The following KEL variants were observed in gnomAD, a reference collection of about 807,000 sequenced individuals.
KEL encodes the protein kell blood group glycoprotein.
In KEL, 96 loss-of-function variants were observed where a neutral mutation model predicts 99.5. The ratio of observed to expected loss-of-function variants is 0.97; its 90% confidence interval spans 0.82 to 1.14. KEL has a LOEUF of 1.14. KEL is among the 50% of genes most tolerant of loss of function. KEL has a pLI of 0.00. For missense variants in KEL, 926 were observed against 924.2 expected, an observed-to-expected ratio of 1.00 and a Z score of -0.03; for synonymous variants, 355 against 354.8, an observed-to-expected ratio of 1.00 and a Z score of -0.01.
At chr7:142,946,373 T>A in intron 10 of KEL, 56 bp from the exon 11 acceptor site, 3 of 1,332,802 alleles carry the variant, frequency 2.3e-6, no homozygotes, top group Non-Finnish European at 3.2e-6. Context: ...TCCTCATCTG[T>A]CTCCCCAGTC....
chr7:142,941,156 A>C lies in KEL; in HGVS notation c.*96T>G, dbSNP rs1243696662. The C allele has an allele frequency of 1.3e-5, 18 of 1,404,328 alleles. No homozygotes were observed. The Admixed American group carries it at 3.1e-4, about 24-fold the overall frequency. 87.0% of individuals were successfully genotyped at this position (1,404,328 alleles called of 1,614,324 possible). A position where few individuals can be genotyped will look rare whatever the true frequency, so the allele number is the denominator to read the frequency against. The stretch of plus-strand genomic sequence containing the variant: ...GCCAAGTGCCAGCTTTTATTTTTGG[A>C]ACAGAAGCAGAAAGGAAATCTTGCT... On this transcript the variant is annotated 3_prime_UTR_variant, in exon 19 of 19. Transcript: ENST00000355265.
Position 142,954,295 on chromosome 7 carries a change from G to C in KEL, c.813C>G (p.His271Gln). Residue 271 changes from histidine to glutamine, a missense_variant, in exon 8 of 19, where the codon CAC (histidine) becomes CAG (glutamine). Coordinates refer to ENST00000355265, the MANE Select transcript of KEL (RefSeq NM_000420.3). ...LGGDPSKVQE[H>Q]SSLSISITSR... ...AAGTGATGGAGATTGACAAGGAAGA[G>C]TGTTCTTGCACCTTGCTTGGGTCTC... 10 of 1,614,124 alleles carry C rather than the reference G, an allele frequency of 6.2e-6. No homozygotes were observed. The highest frequency in any genetic ancestry group is 8.5e-6 in the Non-Finnish European group (10 of 1,179,982).
chr7:142,953,339 T>TG lies in KEL; in HGVS notation c.1073+468dup, dbSNP rs1233935651. 45 of 983,040 alleles carry TG rather than the reference T, an allele frequency of 4.6e-5. No homozygotes were observed. In the South Asian group the frequency reaches 1.1e-3, roughly 25 times the overall value. The allele number at this position is 983,040 out of a possible 1,614,324, so 60.9% of individuals were successfully genotyped here. A position where few individuals can be genotyped will look rare whatever the true frequency, so the allele number is the denominator to read the frequency against. ...GCATCTTCACACCACACCTGAGGAATGGCCCCTCCTCTTCCTTTCTTCCCC... is the reference window on the plus strand; with the variant it reads ...GCATCTTCACACCACACCTGAGGAATGGGCCCCTCCTCTTCCTTTCTTCCCC... On this transcript the variant is annotated intron_variant, in intron 9 of 18. Transcript: ENST00000355265.
intron 6 of KEL, among the ~76,000 whole-genome samples, chr7:142,957,093 T>G (rs1002460706): frequency 6.6e-6 from 1 of 152,234 alleles, no homozygotes; most frequent in Non-Finnish European, 1.5e-5. Flanking sequence ...TGATAAATGC[T>G]GAGAGCATGA....
chr7:142,945,980 C>G, intron 11 of KEL: 1 of 585,032 alleles, frequency 1.7e-6, no homozygotes, highest in African/African-American at 1.9e-5. Flanking sequence ...AGTTGGGTGA[C>G]TTGTCCAAGT....
intron 1 of KEL, 141 bp downstream of exon 1, chr7:142,962,063 C>T: frequency 1.2e-6 from 2 of 1,611,142 alleles, no homozygotes; most frequent in Non-Finnish European, 1.7e-6. Flanking sequence ...ATTTCTCGAT[C>T]CCTCTCCCAT....
At position 142,954,449 on chromosome 7, in the gene KEL, C is replaced by T. The variant is rs372803057; in HGVS notation, c.735+16G>A. On this transcript the variant is annotated intron_variant, in intron 7 of 18. Coordinates refer to ENST00000355265, the MANE Select transcript of KEL (RefSeq NM_000420.3). ...TGGCCTCAGAGGGCAGGGCCTTTGT[C>T]CATGTGCCATCTTACCTGGGCATAG... 41 of 1,612,914 alleles carry T rather than the reference C, an allele frequency of 2.5e-5. No homozygotes were observed. Among genetic ancestry groups the T allele is most frequent in the Admixed American group, 3.3e-5 (2 of 59,994 alleles).
At chr7:142,943,759 C>T (rs767539436) in intron 14 of KEL, 24 bp downstream of exon 14, 1 of 1,598,870 alleles carries the variant, frequency 6.3e-7, no homozygotes, top group Admixed American at 1.7e-5. Context: ...GGATGGAGTG[C>T]CTGTGTCTCC....
chr7:142,949,360 G>C (rs1188991589), intron 10 of KEL, among the ~76,000 whole-genome samples: 1 of 152,226 alleles, frequency 6.6e-6, no homozygotes, highest in African/African-American at 2.4e-5. Context: ...TGAATCAAAA[G>C]TAAACATCAA....
rs199731371 is a variant in KEL, at chr7:142,946,214, C to T, written c.1307G>A (p.Arg436Gln). Residue 436 changes from arginine (R) to glutamine (Q), a missense_variant, in exon 11 of 19, where the codon CGA (arginine) becomes CAA (glutamine). Physicochemically the swap from Arg to Gln is conservative, Grantham distance 43. Coordinates refer to ENST00000355265, the MANE Select transcript of KEL (RefSeq NM_000420.3). ...FVREAFGPST[R>Q]SAAMKLFTAI... is the part of the protein sequence containing the mutation. ...GGAAGAGCTCTCACATACAGCACTTCGGGTGCTCGGGCCAAAGGCCTCACG... is the reference window on the plus strand; with the variant it reads ...GGAAGAGCTCTCACATACAGCACTTTGGGTGCTCGGGCCAAAGGCCTCACG... 3.1e-5 allele frequency: 50 copies of T among 1,611,956 alleles called. No individual in the cohort carries two copies. The highest frequency in any genetic ancestry group is 1.3e-4 in the East Asian group (6 of 44,852).
rs374453195 is a variant in KEL at position 142,961,537 on chromosome 7, G to A, written c.82-36C>T. On this transcript the variant is annotated intron_variant, in intron 2 of 18. Coordinates refer to ENST00000355265, the MANE Select transcript of KEL (RefSeq NM_000420.3). ...AACCAAGAGGTGAAAGATACAAGATGGGGGTTGAGAGACAGGGATGGGAAG... is the reference window on the plus strand; with the variant it reads ...AACCAAGAGGTGAAAGATACAAGATAGGGGTTGAGAGACAGGGATGGGAAG... 3.8e-6 allele frequency: 6 copies of A among 1,572,486 alleles called. No homozygotes were observed. The South Asian group carries it at 5.7e-5, about 15-fold the overall frequency.
chr7:142,943,108 G>A, intron 16 of KEL, 64 bp from the exon 17 acceptor site: 2 of 1,591,312 alleles, frequency 1.3e-6, no homozygotes, highest in Non-Finnish European at 8.6e-7. Flanking sequence ...GCCTAGGTGA[G>A]GATGTGGGTG....
chr7:142,949,839 C>G (rs1329021901), intron 10 of KEL, among the ~76,000 whole-genome samples: 1 of 152,226 alleles, frequency 6.6e-6, no homozygotes, highest in Non-Finnish European at 1.5e-5. Flanking sequence ...TTAATCATCA[C>G]AAATGTGAAG....
At chr7:142,945,588 G>A (rs1796501299) in intron 11 of KEL, among the ~76,000 whole-genome samples, 1 of 151,608 alleles carries the variant, frequency 6.6e-6, no homozygotes, top group African/African-American at 2.4e-5. Flanking sequence ...AAAAATCTTA[G>A]CTACAACAGG....
intron 10 of KEL, among the ~76,000 whole-genome samples, chr7:142,950,738 A>T (rs540894174): frequency 1.3e-5 from 2 of 152,328 alleles, no homozygotes; most frequent in South Asian, 4.1e-4. Context: ...ATGGATCACG[A>T]AGTCGATATT....
chr7:142,952,994 T>C (rs1410929783), intron 9 of KEL, among the ~76,000 whole-genome samples: 1 of 152,176 alleles, frequency 6.6e-6, no homozygotes, highest in Admixed American at 6.5e-5. Flanking sequence ...TAAGCTGGTC[T>C]CTGTGACTGC....
chr7:142,961,176 G>A (rs760632009), intron 3 of KEL, 72 bp from the exon 4 acceptor site: 6 of 1,565,522 alleles, frequency 3.8e-6, no homozygotes, highest in African/African-American at 1.4e-5. Context: ...GCTAGGCAAA[G>A]AACATCAGGT....
In KEL at chr7:142,946,232, G is replaced by T. The variant is rs893186617; in HGVS notation, c.1289C>A (p.Ala430Asp). Residue 430 changes from alanine (A) to aspartate (D), a missense_variant, in exon 11 of 19, where the codon GCC becomes GAC. Transcript: ENST00000355265. ...AGCACTTCGGGTGCTCGGGCCAAAG[G>T]CCTCACGAACAAACAAAGCCGCCAG... ...PTLAALFVREAFGPSTRSAAM... is the reference protein window; with the variant it reads ...PTLAALFVREDFGPSTRSAAM... The T allele has an allele frequency of 5.0e-6, 8 of 1,613,980 alleles. 1 individual carries two copies. The South Asian group carries it at 6.6e-5, about 13-fold the overall frequency.
chr7:142,961,331 T>C, intron 3 of KEL, 29 bp downstream of exon 3: 2 of 1,612,634 alleles, frequency 1.2e-6, no homozygotes, highest in Admixed American at 1.7e-5. Context: ...GAGGGCTGAC[T>C]AGGTTAGGGG....
Sources: gnomAD v4.1 joint callset for allele counts (sites outside exome capture counted in the v4.1 genomes callset) on GRCh38, gnomAD v4.1.1 for gene constraint, MANE v1.5 for transcripts, NCBI Gene and HGNC (gene_info 2026-07-23, HGNC 2026-07-21) for gene names.